SLC19A1: variants seen among roughly 807,000 people sequenced by gnomAD.
SLC19A1 encodes the protein solute carrier family 19 member 1.
A neutral mutation model predicts 35.3 loss-of-function variants in SLC19A1; 37 were observed. The ratio of observed to expected loss-of-function variants is 1.05; its 90% CI spans 0.81 to 1.38. The LOEUF (loss-of-function observed/expected upper bound fraction) is 1.38. Ranked by LOEUF, SLC19A1 falls within the 40% of genes most tolerant of loss-of-function variation. The pLI is 0.00. For synonymous variants in SLC19A1, 460 were observed against 398.5 expected (o/e 1.15, Z -1.84); for missense variants, 831 against 826.9 (o/e 1.00, Z -0.06).
intron 1 of SLC19A1, among the ~76,000 whole-genome samples, chr21:45,560,878 T>C (rs930985527): frequency 2.0e-5 from 3 of 152,218 alleles, no homozygotes; most frequent in Non-Finnish European, 4.4e-5. Context: ...CTGATGCTGC[T>C]TTCTCCATGA....
At chr21:45,512,330 G>A (rs773239355), downstream of SLC19A1, 3 of 1,612,610 alleles carry the variant, frequency 1.9e-6, no homozygotes, top group Non-Finnish European at 2.5e-6. Context: ...GGGGCAGAGT[G>A]CCGCGAGCTG....
rs1198224494 is a variant in SLC19A1 at position 45,517,181 on chromosome 21, G to A, written c.1294-1041C>T. Among the ~76,000 whole-genome samples the A allele has an allele frequency of 6.6e-6, 1 of 152,186 alleles. No homozygotes were observed. The highest frequency in any genetic ancestry group is 1.5e-5 in the Non-Finnish European group (1 of 68,026). On this transcript the variant is annotated intron_variant, in intron 5 of 5. Transcript: ENST00000311124. The surrounding 1 kb of genome is among the most constrained non-coding windows in gnomAD (Gnocchi z 4.4). ...TTTTCACCTCAGATATTTTGAAACT[G>A]AAGAAGGCAGCAGGCTGGAAAAGAC...
At chr21:45,522,445 T>C (rs1194037795) in intron 5 of SLC19A1, among the ~76,000 whole-genome samples, 8 of 152,286 alleles carry the variant, frequency 5.3e-5, no homozygotes, top group South Asian at 2.1e-4. Flanking sequence ...GCTTCTTTCC[T>C]GGAAAGAAAC....
Position 45,530,991 on chromosome 21 carries a change from GC to G in SLC19A1, c.950-21del. 7.0e-7 allele frequency: 1 copy of G among 1,432,322 alleles called. No individual in the cohort carries two copies. The highest frequency in any genetic ancestry group is 1.5e-5 in the African/African-American group (1 of 65,788). 88.7% of individuals were successfully genotyped at this position (1,432,322 alleles called of 1,614,324 possible). On this transcript the variant is annotated intron_variant, in intron 3 of 5. Transcript: ENST00000311124. This position sits in a 1 kb window ranked among gnomAD's most constrained non-coding sequence, Gnocchi z 5.3. ...TGGCGCCTGAGAGGGGAGGGATGGG[GC>G]GTTGCAGCGGCCCTGGGGGGCCACG...
chr21:45,536,984 T>A (rs1313811601), intron 2 of SLC19A1, among the ~76,000 whole-genome samples: 1 of 152,206 alleles, frequency 6.6e-6, no homozygotes, highest in Non-Finnish European at 1.5e-5. Context: ...GAGAGACCCG[T>A]GACTGGGCAT....
Position 45,514,647 on chromosome 21 carries a change from C to A in SLC19A1, c.*1011G>T. On this transcript the variant is annotated 3_prime_UTR_variant, in exon 6 of 6. Coordinates refer to ENST00000311124, the MANE Select transcript of SLC19A1 (RefSeq NM_194255.4). ...GAGAAGGCTGGGACGCCTCTCCTGG[C>A]CTCCTCACTGACTGCTGACCCTCAA... The A allele has an allele frequency of 4.2e-6, 1 of 238,188 alleles. No individual in the cohort carries two copies. Among genetic ancestry groups the A allele is most frequent in the Non-Finnish European group, 8.0e-6 (1 of 124,390 alleles). The allele number at this position is 238,188 out of a possible 1,614,324, so 14.8% of individuals were successfully genotyped here.
At chr21:45,521,600 A>T (rs2077440351) in intron 5 of SLC19A1, among the ~76,000 whole-genome samples, 1 of 152,242 alleles carries the variant, frequency 6.6e-6, no homozygotes, top group African/African-American at 2.4e-5. Flanking sequence ...AATCAAGTCT[A>T]TCCACTTTCA....
Position 45,515,935 on chromosome 21 carries a change from G to T in SLC19A1, c.1499C>A (p.Pro500Gln). 1 of 1,537,188 alleles carries T rather than the reference G, an allele frequency of 6.5e-7. No homozygotes were observed. Among genetic ancestry groups the T allele is most frequent in the East Asian group, 2.4e-5 (1 of 41,954 alleles). The change falls in exon 6 of 6, where the codon CCG (proline) becomes CAG (glutamine). Residue 500 changes from proline to glutamine, a missense_variant. Physicochemically the swap from Pro to Gln is moderately conservative, Grantham distance 76. Transcript: ENST00000311124. ...GLGGLQPAQS[P>Q]PLSPEDSLGA... ...CAGGCTGTCTTCTGGGGAAAGCGGC[G>T]GGCTCTGGGCTGGCTGCAGGCCTCC...
In SLC19A1 at chr21:45,515,399, C is replaced by A. The variant is rs1371836855; in HGVS notation, c.*259G>T. On this transcript the variant is annotated 3_prime_UTR_variant, in exon 6 of 6. Coordinates refer to ENST00000311124, the MANE Select transcript of SLC19A1 (RefSeq NM_194255.4). ...ATGAGCCAGTGAGGCCTGGTGGACG[C>A]AGAAGCCCACCACCCACCTCTTCCA... The A allele has an allele frequency of 6.3e-6, 9 of 1,432,288 alleles. No individual in the cohort carries two copies. Among genetic ancestry groups the A allele is most frequent in the East Asian group, 2.5e-5 (1 of 39,502 alleles). 88.7% of individuals were successfully genotyped at this position (1,432,288 alleles called of 1,614,324 possible). A position where few individuals can be genotyped will look rare whatever the true frequency, so the allele number is the denominator to read the frequency against.
Position 45,534,740 on chromosome 21 carries a change from C to G in SLC19A1, c.190-2592G>C. 1 of 715,222 alleles carries G rather than the reference C, an allele frequency of 1.4e-6. No homozygotes were observed. Among genetic ancestry groups the G allele is most frequent in the Non-Finnish European group, 2.3e-6 (1 of 428,680 alleles). The allele number at this position is 715,222 out of a possible 1,614,324, so 44.3% of individuals were successfully genotyped here. ...CTCTTCCTCAGCCTTGGCAGGCAGACAGCAGGGAGGCTCTGCCCAGAGCTG... is the reference window on the plus strand; with the variant it reads ...CTCTTCCTCAGCCTTGGCAGGCAGAGAGCAGGGAGGCTCTGCCCAGAGCTG... On this transcript the variant is annotated intron_variant, in intron 2 of 5. Coordinates refer to ENST00000311124, the MANE Select transcript of SLC19A1 (RefSeq NM_194255.4). This position sits in a 1 kb window ranked among gnomAD's most constrained non-coding sequence, Gnocchi z 4.2.
At chr21:45,510,488 T>C (rs2037516084), downstream of SLC19A1, among the ~76,000 whole-genome samples, 1 of 152,082 alleles carries the variant, frequency 6.6e-6, no homozygotes, top group Non-Finnish European at 1.5e-5. Context: ...GGGCATCCCA[T>C]GAGGCCCCCC....
chr21:45,520,054 A>G (rs1389281977), intron 5 of SLC19A1, among the ~76,000 whole-genome samples: 1 of 152,218 alleles, frequency 6.6e-6, no homozygotes, highest in Non-Finnish European at 1.5e-5. Flanking sequence ...ACAGAAAGAT[A>G]ACAGGAAAAT....
rs1395312944 is a variant in SLC19A1, at chr21:45,534,648, TC to T, written c.190-2501del. The T allele has an allele frequency of 1.3e-6, 2 of 1,522,554 alleles. No homozygotes were observed. The highest frequency in any genetic ancestry group is 3.9e-5 in the Admixed American group (2 of 50,820). 94.3% of individuals were successfully genotyped at this position (1,522,554 alleles called of 1,614,324 possible). ...TTAGTTGAGGGTCTGAGCGCAGAGC[TC>T]CCCCTTGGCAGCCACCCAGAGCCCT... On this transcript the variant is annotated intron_variant, in intron 2 of 5. Coordinates refer to ENST00000311124, the MANE Select transcript of SLC19A1 (RefSeq NM_194255.4). The surrounding 1 kb of genome is among the most constrained non-coding windows in gnomAD (Gnocchi z 4.2).
chr21:45,511,499 G>A (rs575602216), downstream of SLC19A1, among the ~76,000 whole-genome samples: 13 of 152,204 alleles, frequency 8.5e-5, no homozygotes, highest in African/African-American at 1.9e-4. Context: ...CATGTCTCCC[G>A]GATGTCACCA....
At chr21:45,509,978 A>G (rs1401964461), downstream of SLC19A1, 9 of 1,446,482 alleles carry the variant, frequency 6.2e-6, no homozygotes, top group East Asian at 5.0e-5. Context: ...CTGTCCACAC[A>G]GGTGCGGGGC....
chr21:45,504,010 G>C (rs1453867971), intron 3 of SLC19A1: 1 of 1,613,682 alleles, frequency 6.2e-7, no homozygotes, highest in Admixed American at 1.7e-5. Context: ...CTCTCTTGCA[G>C]GGCAGTTTCC....
chr21:45,531,862 G>A lies in SLC19A1; in HGVS notation c.476C>T (p.Ala159Val). The A allele has an allele frequency of 1.3e-6, 2 of 1,584,312 alleles. No individual in the cohort carries two copies. Among genetic ancestry groups the A allele is most frequent in the South Asian group, 1.1e-5 (1 of 87,938 alleles). ...YQRVAGYSRAAVLLGVFTSSV... is the reference protein window; with the variant it reads ...YQRVAGYSRAVVLLGVFTSSV... ...GCTGGTGAACACGCCCAGCAGCACC[G>A]CAGCGCGCGAGTAGCCGGCCACACG... Residue 159 changes from alanine (A) to valine (V), a missense_variant, in exon 3 of 6, where the codon GCG (alanine) becomes GTG (valine). Physicochemically the swap from Ala to Val is moderately conservative, Grantham distance 64. Transcript: ENST00000311124.
rs1346582249 is a variant in SLC19A1, at chr21:45,512,728, G to C, written c.*2930C>G. ...CGGCTCGATTTCTCCAGGATTTCCT[G>C]CTTTGGGAAGCCGTGCTCGCCCCAG... On this transcript the variant is annotated 3_prime_UTR_variant, in exon 6 of 6. Coordinates refer to ENST00000311124, the MANE Select transcript of SLC19A1 (RefSeq NM_194255.4). 2 of 419,174 alleles carry C rather than the reference G, an allele frequency of 4.8e-6. No homozygotes were observed. Among genetic ancestry groups the C allele is most frequent in the African/African-American group, 2.0e-5 (1 of 49,452 alleles). The allele number at this position is 419,174 out of a possible 1,614,324, so 26.0% of individuals were successfully genotyped here.
intron 1 of SLC19A1, among the ~76,000 whole-genome samples, chr21:45,557,106 G>A (rs752506422): frequency 1.3e-5 from 2 of 152,294 alleles, no homozygotes; most frequent in Admixed American, 6.5e-5. Context: ...GCCTCCCCAC[G>A]TGTCAGCTCC....
Sources: allele counts gnomAD v4.1 joint callset (sites outside exome capture counted in the v4.1 genomes callset), GRCh38; gene constraint gnomAD v4.1.1; non-coding constraint Gnocchi (gnomAD v3.1); transcripts MANE v1.5; gene names NCBI Gene and HGNC (gene_info 2026-07-23, HGNC 2026-07-21).